The following ANAPC1 variants were observed in gnomAD, a reference collection of about 807,000 sequenced individuals.
ANAPC1 encodes anaphase promoting complex subunit 1, also known as anaphase-promoting complex subunit 1.
A neutral mutation model predicts 208.0 loss-of-function variants in ANAPC1; 36 were observed. The observed-to-expected ratio is 0.17, with a 90% confidence interval of 0.13 to 0.23. The LOEUF (loss-of-function observed/expected upper bound fraction) is 0.23, where lower values mean the gene tolerates loss of function less well. Among genes scored for constraint, ANAPC1 ranks in the 10% least tolerant of loss-of-function variants. ANAPC1 has a pLI of 1.00. For missense variants in ANAPC1, 942 were observed against 2,011.6 expected (o/e 0.47, Z 10.17); for synonymous variants, 378 against 695.2 (o/e 0.54, Z 7.18).
intron 6 of ANAPC1, among the ~76,000 whole-genome samples, chr2:111,871,540 C>T (rs542937509): frequency 1.3e-5 from 2 of 152,214 alleles, no homozygotes; most frequent in South Asian, 2.1e-4. Context: ...CACCTGAGGT[C>T]GGGAGTTCGA....
intron 28 of ANAPC1, among the ~76,000 whole-genome samples, chr2:111,813,370 A>G (rs1679087503): frequency 6.6e-6 from 1 of 152,080 alleles, no homozygotes; most frequent in South Asian, 2.1e-4. Context: ...TTTAGCTCAC[A>G]TGGGAACCAC....
intron 7 of ANAPC1, among the ~76,000 whole-genome samples, chr2:111,867,221 C>T (rs1254672509): frequency 6.6e-6 from 1 of 151,088 alleles, no homozygotes; most frequent in African/African-American, 2.4e-5. Flanking sequence ...ACCCAGGAGG[C>T]GGAGGTTGCA....
chr2:111,857,979 T>TAA (rs71385838), intron 11 of ANAPC1, among the ~76,000 whole-genome samples: 1 of 151,724 alleles, frequency 6.6e-6, no homozygotes, highest in Non-Finnish European at 1.5e-5. Flanking sequence ...TATATATATA[T>TAA]AAATGTCCAG....
chr2:111,850,304 C>T (rs1189355690), intron 14 of ANAPC1, among the ~76,000 whole-genome samples: 1 of 151,592 alleles, frequency 6.6e-6, no homozygotes, highest in Non-Finnish European at 1.5e-5. Flanking sequence ...TTCTCCTTGC[C>T]CTGAATGCTC....
chr2:111,844,386 T>C (rs564980252), intron 16 of ANAPC1, among the ~76,000 whole-genome samples: 2,559 of 151,370 alleles, frequency 0.017, 60 homozygotes, highest in African/African-American at 0.059. Flanking sequence ...CTGACCAACA[T>C]GGTGAAACCC....
intron 9 of ANAPC1, among the ~76,000 whole-genome samples, chr2:111,863,246 C>T (rs1682178136): frequency 6.6e-6 from 1 of 151,862 alleles, no homozygotes; most frequent in Non-Finnish European, 1.5e-5. Context: ...CGGTGGCTCA[C>T]GCCTGTAATC....
rs1233952335 is a variant in ANAPC1 at position 111,776,865 on chromosome 2, G to A, written c.5578C>T (p.Leu1860=). The change falls in exon 46 of 48, where the codon CTA becomes TTA. Residue 1860 remains leucine, a synonymous_variant. Coordinates refer to ENST00000341068, the MANE Select transcript of ANAPC1 (RefSeq NM_022662.4). ...GCTACAATGCTACTATTACCTTGTA[G>A]CCACTGGTCCAGGGTATTATCAATG... ...CTIDNTLDQW[L]QVGGDMCVHA... is the part of the protein sequence containing the mutation. 1 of 432,520 alleles carries A rather than the reference G, an allele frequency of 2.3e-6. No homozygotes were observed. The highest frequency in any genetic ancestry group is 4.9e-5 in the Admixed American group (1 of 20,352). 26.8% of individuals were successfully genotyped at this position (432,520 alleles called of 1,614,324 possible).
At chr2:111,821,152 T>C in intron 26 of ANAPC1, 87 bp downstream of exon 26, 2 of 1,499,866 alleles carry the variant, frequency 1.3e-6, no homozygotes, top group Non-Finnish European at 1.8e-6. Context: ...TTTTAAATGC[T>C]AAAAACTTGA....
chr2:111,810,201 A>G (rs1329986416), intron 28 of ANAPC1, among the ~76,000 whole-genome samples: 1 of 152,028 alleles, frequency 6.6e-6, no homozygotes, highest in Non-Finnish European at 1.5e-5. Context: ...CCATCCTAAA[A>G]TACCATATTT....
At chr2:111,863,144 G>A (rs1682170790) in intron 9 of ANAPC1, among the ~76,000 whole-genome samples, 1 of 152,072 alleles carries the variant, frequency 6.6e-6, no homozygotes, top group Admixed American at 6.6e-5. Context: ...ACTAACCTTA[G>A]GTCAAGCATA....
chr2:111,827,796 TATA>T (rs1558697255), intron 21 of ANAPC1, among the ~76,000 whole-genome samples: 2 of 152,010 alleles, frequency 1.3e-5, no homozygotes, highest in African/African-American at 4.8e-5. Flanking sequence ...CAATAAAACT[TATA>T]ATGAGGAAAC....
At chr2:111,812,866 G>A (rs1342266165) in intron 28 of ANAPC1, among the ~76,000 whole-genome samples, 1 of 107,634 alleles carries the variant, frequency 9.3e-6, no homozygotes, top group Non-Finnish European at 2.0e-5. Context: ...CAATCCCAGG[G>A]AGCTTCTCAT....
In ANAPC1 at chr2:111,831,870, C is replaced by T. The variant is rs1336571541; in HGVS notation, c.2477-436G>A. Among the ~76,000 whole-genome samples, 9 of 144,852 alleles carry T rather than the reference C, an allele frequency of 6.2e-5. 1 individual carries two copies. Among genetic ancestry groups the T allele is most frequent in the Admixed American group, 2.8e-4 (4 of 14,378 alleles). ...AAGAATAACGTTTTTCCATATTCTC[C>T]AAAATGCTTCATGTTTTCTGCCACA... is the stretch of plus-strand genomic sequence containing the variant. On this transcript the variant is annotated intron_variant, in intron 20 of 47. Transcript: ENST00000341068.
At chr2:111,846,981 G>C (rs1372292080) in intron 16 of ANAPC1, among the ~76,000 whole-genome samples, 157 bp downstream of exon 16, 3 of 152,104 alleles carry the variant, frequency 2.0e-5, no homozygotes, top group Non-Finnish European at 4.4e-5. Flanking sequence ...ACGTAGAGTG[G>C]ACATCACAAA....
intron 39 of ANAPC1, among the ~76,000 whole-genome samples, chr2:111,785,996 TA>T (rs1328785258): frequency 6.6e-6 from 1 of 152,184 alleles, no homozygotes; most frequent in Non-Finnish European, 1.5e-5. Flanking sequence ...TCCATGTGGG[TA>T]TGGCAATATT....
At chr2:111,820,238 G>T (rs1477777333) in intron 26 of ANAPC1, among the ~76,000 whole-genome samples, 1 of 152,034 alleles carries the variant, frequency 6.6e-6, no homozygotes, top group Non-Finnish European at 1.5e-5. Flanking sequence ...GCTTTACTAT[G>T]TATTGAGCAG....
intron 6 of ANAPC1, among the ~76,000 whole-genome samples, chr2:111,870,477 G>C (rs1682686653): frequency 6.6e-6 from 1 of 152,168 alleles, no homozygotes; most frequent in South Asian, 2.1e-4. Flanking sequence ...TAGTGATATT[G>C]AGCAGTTTCA....
intron 21 of ANAPC1, among the ~76,000 whole-genome samples, chr2:111,830,879 C>T (rs1680092414): frequency 6.6e-6 from 1 of 152,230 alleles, no homozygotes. Context: ...ACCCATCAAT[C>T]CTACTCCCAG....
At position 111,839,158 on chromosome 2, in the gene ANAPC1, G is replaced by A. The variant is rs140073525; in HGVS notation, c.2041-646C>T. Among the ~76,000 whole-genome samples, 787 of 152,256 alleles carry A rather than the reference G, an allele frequency of 5.2e-3. 13 individuals carry two copies. Among genetic ancestry groups the A allele is most frequent in the African/African-American group, 0.018 (744 of 41,542 alleles). On this transcript the variant is annotated intron_variant, in intron 17 of 47. Transcript: ENST00000341068. ...GGCTCTTTGCCCCTTCCACCTGACT[G>A]GAATGCAGTCAACCAATGGCAATCT...
Sources: gnomAD v4.1 joint callset for allele counts (sites outside exome capture counted in the v4.1 genomes callset) on GRCh38, gnomAD v4.1.1 for gene constraint, MANE v1.5 for transcripts, NCBI Gene and HGNC (gene_info 2026-07-23, HGNC 2026-07-21) for gene names.